The following MCF2L variants were observed in gnomAD, a reference collection of about 807,000 sequenced individuals.
The protein encoded by MCF2L is MCF.2 cell line derived transforming sequence like.
In MCF2L, 97 loss-of-function variants were observed where a neutral mutation model predicts 153.4. The observed-to-expected ratio is 0.63, with a 90% confidence interval of 0.54 to 0.75. MCF2L has a LOEUF of 0.75. Ranked by LOEUF, MCF2L falls within the 30% of genes least tolerant of loss-of-function variation. MCF2L has a pLI of 0.00. For missense variants in MCF2L, 1,347 were observed against 1,495.2 expected, an observed-to-expected ratio of 0.90 and a Z score of 1.64; for synonymous variants, 659 against 632.2, an observed-to-expected ratio of 1.04 and a Z score of -0.64.
At chr13:112,949,643 A>G (rs1354412290) in intron 2 of MCF2L, among the ~76,000 whole-genome samples, 1 of 152,106 alleles carries the variant, frequency 6.6e-6, no homozygotes, top group East Asian at 1.9e-4. Flanking sequence ...AATCATGTCA[A>G]CCAGTGCAGA....
rs542678706 is a variant in MCF2L, at chr13:112,895,882, C to A, written c.-5+1451C>A. On this transcript the variant is annotated intron_variant, in intron 1 of 29. Transcript: ENST00000375608. ...AGCGGTCCCGGTGTCCCCGATTTCA[C>A]CGGGCTGTGTAGGGGCCCAGGTGTC... is the stretch of plus-strand genomic sequence containing the variant. Among the ~76,000 whole-genome samples, 117 of 152,244 alleles carry A rather than the reference C, an allele frequency of 7.7e-4. 2 individuals carry two copies. The highest frequency in any genetic ancestry group is 2.6e-3 in the African/African-American group (109 of 41,542).
At chr13:113,017,385 G>A (rs985194343) in intron 2 of MCF2L, among the ~76,000 whole-genome samples, 2 of 152,184 alleles carry the variant, frequency 1.3e-5, no homozygotes, top group Non-Finnish European at 2.9e-5. Flanking sequence ...TCACCTGTAC[G>A]TCGGTGTCTC....
intron 14 of MCF2L, 111 bp downstream of exon 14, chr13:113,078,547 G>T: frequency 7.2e-7 from 1 of 1,380,834 alleles, no homozygotes. Flanking sequence ...TACCTGGCCA[G>T]CTCCCCATCG....
chr13:112,955,236 C>T (rs532344322), intron 2 of MCF2L, among the ~76,000 whole-genome samples: 10 of 152,318 alleles, frequency 6.6e-5, no homozygotes, highest in African/African-American at 1.4e-4. Flanking sequence ...AGGCCTCACA[C>T]GTCCTAAACC....
Position 113,027,062 on chromosome 13 carries a change from C to A in MCF2L, c.278+2304C>A. On this transcript the variant is annotated intron_variant, in intron 3 of 29. Transcript: ENST00000535094. This position sits in a 1 kb window ranked among gnomAD's most constrained non-coding sequence, Gnocchi z 4.8. ...ACACACCAAGTAAAAACAGAAATAT[C>A]CTTAAATATGGCATCTGTATCCCGC... is the stretch of plus-strand genomic sequence containing the variant. 1.3e-6 allele frequency: 1 copy of A among 770,482 alleles called. No homozygotes were observed. Among genetic ancestry groups the A allele is most frequent in the Non-Finnish European group, 2.4e-6 (1 of 416,102 alleles). 47.7% of individuals were successfully genotyped at this position (770,482 alleles called of 1,614,324 possible). A position where few individuals can be genotyped will look rare whatever the true frequency, so the allele number is the denominator to read the frequency against.
intron 3 of MCF2L, among the ~76,000 whole-genome samples, chr13:113,025,712 C>A (rs113930896): frequency 1.7e-5 from 1 of 60,386 alleles, no homozygotes; most frequent in African/African-American, 6.8e-5. Context: ...GACTGTGGGT[C>A]GGGGCAGAGT....
At chr13:112,900,920 T>TG (rs34670591) in intron 1 of MCF2L, among the ~76,000 whole-genome samples, 117,791 of 151,844 alleles carry the variant, frequency 0.78, 45,942 homozygotes, top group East Asian at 0.91. Context: ...ACCTGAGGGA[T>TG]GGGATGGGGT....
Position 112,978,982 on chromosome 13 carries a change from C to T in MCF2L, c.79+9524C>T, listed in dbSNP as rs951432566. Among the ~76,000 whole-genome samples the T allele has an allele frequency of 5.3e-5, 8 of 152,362 alleles. No individual in the cohort carries two copies. The South Asian group carries it at 6.2e-4, about 12-fold the overall frequency. ...GGGAGCCCTGGATGCTGTCACCTCTCACCCCTCGGAAGCAGCCATGGGGCA... is the reference window on the plus strand; with the variant it reads ...GGGAGCCCTGGATGCTGTCACCTCTTACCCCTCGGAAGCAGCCATGGGGCA... On this transcript the variant is annotated intron_variant, in intron 1 of 29. Coordinates refer to ENST00000535094, the MANE Select transcript of MCF2L (RefSeq NM_001112732.3).
intron 1 of MCF2L, among the ~76,000 whole-genome samples, chr13:112,900,126 T>A (rs2081106363): frequency 6.6e-6 from 1 of 152,244 alleles, no homozygotes; most frequent in Non-Finnish European, 1.5e-5. Context: ...TGAAATTCTC[T>A]GAGGAGAATT....
chr13:113,077,441 G>A (rs939577815), intron 13 of MCF2L, among the ~76,000 whole-genome samples: 23 of 152,210 alleles, frequency 1.5e-4, no homozygotes, highest in Admixed American at 3.9e-4. Context: ...CCTGTGCCAC[G>A]CACATCTTGT....
At position 113,088,625 on chromosome 13, in the gene MCF2L, C is replaced by T. The variant is rs1413300081; in HGVS notation, c.2831C>T (p.Thr944Ile). The change falls in exon 25 of 30, where the codon ACC (threonine) becomes ATC (isoleucine). Residue 944 changes from threonine (T) to isoleucine (I), a missense_variant. Physicochemically the swap from Thr to Ile is moderately conservative, Grantham distance 89 (BLOSUM62 -1). Coordinates refer to ENST00000535094, the MANE Select transcript of MCF2L (RefSeq NM_001112732.3). Reference protein sequence around the residue: ...QSLPLPAPTSTSPSRGNSRNI... With the variant: ...QSLPLPAPTSISPSRGNSRNI... ...CTGCCCCTGCCGGCCCCGACCAGCACCAGGTGAGAATGGACACGCTGCCGC... is the reference window on the plus strand; with the variant it reads ...CTGCCCCTGCCGGCCCCGACCAGCATCAGGTGAGAATGGACACGCTGCCGC... The T allele has an allele frequency of 2.5e-6, 4 of 1,606,880 alleles. No individual in the cohort carries two copies. Among genetic ancestry groups the T allele is most frequent in the Non-Finnish European group, 3.4e-6 (4 of 1,179,786 alleles).
rs144552939 is a variant in MCF2L, at chr13:112,994,339, C to T, written c.80-20424C>T. Among the ~76,000 whole-genome samples the T allele has an allele frequency of 6.0e-3, 905 of 151,242 alleles. 6 individuals carry two copies. Among genetic ancestry groups the T allele is most frequent in the South Asian group, 0.031 (147 of 4,776 alleles). ...GACGTCACTGTCTGTGCCGGTGTCT[C>T]GGGCGGGGGCCAGTGTGGCTGCCAA... On this transcript the variant is annotated intron_variant, in intron 1 of 29. Transcript: ENST00000535094.
chr13:113,069,920 G>A, intron 8 of MCF2L, 139 bp from the exon 9 acceptor site: 2 of 556,334 alleles, frequency 3.6e-6, no homozygotes, highest in Non-Finnish European at 6.3e-6. Flanking sequence ...AGGTTTAGGT[G>A]CAGGGAGTGA....
chr13:113,076,715 G>C (rs190222763), intron 12 of MCF2L, among the ~76,000 whole-genome samples: 1 of 152,284 alleles, frequency 6.6e-6, no homozygotes. Context: ...TGTGGCATGG[G>C]TGTGTTCTTC....
chr13:113,019,394 G>A lies in MCF2L; in HGVS notation c.163+4548G>A, dbSNP rs113736527. Among the ~76,000 whole-genome samples, 845 of 152,322 alleles carry A rather than the reference G, an allele frequency of 5.5e-3. 24 individuals are homozygous for A. The highest frequency in any genetic ancestry group is 6.0e-3 in the East Asian group (31 of 5,180). On this transcript the variant is annotated intron_variant, in intron 2 of 29. Coordinates refer to ENST00000535094, the MANE Select transcript of MCF2L (RefSeq NM_001112732.3). ...CCTGGGAGGACCGATCCGATCCTGCGCTCCCTGAGGCCGATGGCTTTTTGA... is the reference window on the plus strand; with the variant it reads ...CCTGGGAGGACCGATCCGATCCTGCACTCCCTGAGGCCGATGGCTTTTTGA...
chr13:113,056,858 C>T (rs1344527456), intron 4 of MCF2L, among the ~76,000 whole-genome samples: 54 of 66,390 alleles, frequency 8.1e-4, no homozygotes, highest in African/African-American at 9.4e-4. Context: ...CTGAGTGTTT[C>T]GGCGCTGAGT....
At chr13:112,971,310 G>T (rs572753493) in intron 1 of MCF2L, among the ~76,000 whole-genome samples, 3 of 152,274 alleles carry the variant, frequency 2.0e-5, no homozygotes, top group African/African-American at 7.2e-5. Flanking sequence ...CCCACCTGCA[G>T]CCAAACACTC....
At chr13:113,019,919 T>G (rs898960367) in intron 2 of MCF2L, among the ~76,000 whole-genome samples, 15 of 152,218 alleles carry the variant, frequency 9.9e-5, no homozygotes, top group Admixed American at 3.9e-4. Flanking sequence ...TGGCCAGAGC[T>G]GTGAGATAAA....
intron 4 of MCF2L, among the ~76,000 whole-genome samples, chr13:113,058,512 GTGTT>G (rs2030706861): frequency 6.7e-6 from 1 of 149,696 alleles, no homozygotes; most frequent in Non-Finnish European, 1.5e-5. Context: ...TGGGAGCTGA[GTGTT>G]TGGATGCTGA....
Sources: allele counts gnomAD v4.1 joint callset (sites outside exome capture counted in the v4.1 genomes callset), GRCh38; gene constraint gnomAD v4.1.1; non-coding constraint Gnocchi (gnomAD v3.1); transcripts MANE v1.5; gene names NCBI Gene and HGNC (gene_info 2026-07-23, HGNC 2026-07-21).